EP400: variants seen among roughly 807,000 people sequenced by gnomAD.
EP400 encodes the protein E1A-binding protein p400.
In EP400, 105 loss-of-function variants were observed where a neutral mutation model predicts 354.1. The ratio of observed to expected loss-of-function variants is 0.30; its 90% CI spans 0.25 to 0.35. The LOEUF (loss-of-function observed/expected upper bound fraction) is 0.35. Among genes scored for constraint, EP400 ranks in the 10% least tolerant of loss-of-function variants. EP400 has a pLI of 1.00. For synonymous variants in EP400, 1,646 were observed against 1,716.9 expected (o/e 0.96, Z 1.02); for missense variants, 3,280 against 4,121.0 (o/e 0.80, Z 5.59).
Position 132,027,449 on chromosome 12 carries a change from G to T in EP400, c.5027G>T (p.Gly1676Val). The T allele has an allele frequency of 1.9e-6, 3 of 1,614,112 alleles. No homozygotes were observed. The highest frequency in any genetic ancestry group is 2.5e-6 in the Non-Finnish European group (3 of 1,180,042). The change falls in exon 26 of 53, where the codon GGC becomes GTC. Residue 1676 changes from glycine to valine, a missense_variant. Transcript: ENST00000389561. The surrounding 1 kb of genome is among the most constrained non-coding windows in gnomAD (Gnocchi z 4.9). Reference protein sequence around the residue: ...APLTPQVGVPGRVAVNALAVG... With the variant: ...APLTPQVGVPVRVAVNALAVG... The stretch of plus-strand genomic sequence containing the variant: ...TATGCATTTGTAGTTGGCGTTCCGG[G>T]CCGCGTGGCGGTGAATGCCTTGGCT...
intron 30 of EP400, among the ~76,000 whole-genome samples, chr12:132,036,910 G>A (rs1232519005): frequency 3.3e-5 from 5 of 152,012 alleles, no homozygotes; most frequent in East Asian, 3.8e-4. Flanking sequence ...TTCACTTTCC[G>A]TGCTGTTCCC....
intron 2 of EP400, among the ~76,000 whole-genome samples, chr12:131,976,569 G>A (rs1261371650): frequency 6.6e-6 from 1 of 151,910 alleles, no homozygotes; most frequent in African/African-American, 2.4e-5. Context: ...AAAATTAGCC[G>A]GGCATGGTGG....
intron 45 of EP400, among the ~76,000 whole-genome samples, chr12:132,057,953 G>C (rs1201462664): frequency 6.6e-6 from 1 of 152,216 alleles, no homozygotes; most frequent in Non-Finnish European, 1.5e-5. Context: ...GTGGGCCCAA[G>C]ACACAGTGTG....
intron 25 of EP400, among the ~76,000 whole-genome samples, chr12:132,026,041 TTTTG>T (rs575816025): frequency 3.5e-4 from 53 of 152,360 alleles, no homozygotes; most frequent in African/African-American, 1.2e-3. Flanking sequence ...TAGGTTTTTG[TTTTG>T]TTTGTGTTCT....
chr12:132,063,103 T>C (rs1213257773), intron 47 of EP400, among the ~76,000 whole-genome samples: 1 of 152,230 alleles, frequency 6.6e-6, no homozygotes, highest in East Asian at 1.9e-4. Flanking sequence ...TTTGTTTCGA[T>C]GTGGTTCACG....
intron 1 of EP400, among the ~76,000 whole-genome samples, chr12:131,951,065 ATTTTTTTTTTTTTTTTT>A (rs750396319): frequency 1.9e-5 from 2 of 104,200 alleles, no homozygotes; most frequent in Non-Finnish European, 3.8e-5. Context: ...ACGCCTGGCT[ATTTTTTTTTTTTTTTTT>A]TTTTTTTGGA....
chr12:132,066,829 C>T lies in EP400; in HGVS notation c.8609C>T (p.Pro2870Leu), dbSNP rs1895908535. The change falls in exon 49 of 53, where the codon CCC becomes CTC. Residue 2870 changes from proline (P) to leucine (L), a missense_variant. Pro to Leu is a moderately conservative substitution (Grantham distance 98). Around this residue, in one of 20 missense-constraint regions of EP400, gnomAD observed 279 missense variants for 386.7 expected, o/e 0.72. Transcript: ENST00000389561. ...CAAGGGCAGATGCAGACCCAGGCAC[C>T]CCAGCCAGCCCAGGTGGCCTTGGCG... Reference protein sequence around the residue: ...QAQGQMQTQAPQPAQVALAKP... With the variant: ...QAQGQMQTQALQPAQVALAKP... 1.2e-6 allele frequency: 2 copies of T among 1,614,014 alleles called. No homozygotes were observed. The highest frequency in any genetic ancestry group is 1.7e-6 in the Non-Finnish European group (2 of 1,179,972).
chr12:131,962,029 A>G (rs1356085511), intron 2 of EP400, 75 bp downstream of exon 2: 2 of 1,455,414 alleles, frequency 1.4e-6, no homozygotes, highest in African/African-American at 1.4e-5. Flanking sequence ...GAATTAAGTA[A>G]TAATTTATTG....
intron 2 of EP400, among the ~76,000 whole-genome samples, chr12:131,977,580 G>A (rs1892527880): frequency 6.6e-6 from 1 of 151,794 alleles, no homozygotes; most frequent in African/African-American, 2.4e-5. Flanking sequence ...GAACATTTGG[G>A]AAATTTAGAA....
chr12:131,954,066 T>C (rs1891608845), intron 1 of EP400, among the ~76,000 whole-genome samples: 2 of 152,044 alleles, frequency 1.3e-5, no homozygotes, highest in South Asian at 4.1e-4. Context: ...TGAGCTGAGA[T>C]TGCGCCGCAG....
At position 132,037,941 on chromosome 12, in the gene EP400, C is replaced by T; in HGVS notation, c.6064-12C>T. 2.5e-6 allele frequency: 4 copies of T among 1,614,138 alleles called. No individual in the cohort carries two copies. The highest frequency in any genetic ancestry group is 3.4e-6 in the Non-Finnish European group (4 of 1,180,008). On this transcript the variant is annotated splice_polypyrimidine_tract_variant and intron_variant, in intron 31 of 52. Transcript: ENST00000389561. ...CCTTGTACTGGGGAGTAACACACATCTCTGTGTTCAGCGAACCATCCAGGA... is the reference window on the plus strand; with the variant it reads ...CCTTGTACTGGGGAGTAACACACATTTCTGTGTTCAGCGAACCATCCAGGA...
rs1891455248 is a variant in EP400, at chr12:131,950,935, TG to T, written c.-36+900del. Among the ~76,000 whole-genome samples the T allele has an allele frequency of 2.6e-5, 4 of 152,060 alleles. No individual in the cohort carries two copies. The South Asian group carries it at 8.3e-4, about 32-fold the overall frequency. ...TTTCTTTTGAGAAAGAGTCTCTCTC[TG>T]TCACCCAGGCTGGAGTGCAGTGGCG... is the stretch of plus-strand genomic sequence containing the variant. On this transcript the variant is annotated intron_variant, in intron 1 of 52. Transcript: ENST00000389561.
chr12:132,011,458 A>G (rs1893762342), intron 15 of EP400, 40 bp from the exon 16 acceptor site: 1 of 1,610,832 alleles, frequency 6.2e-7, no homozygotes, highest in Admixed American at 1.7e-5. Context: ...TGGACATGAC[A>G]GATACTTTGA....
At chr12:132,060,399 A>C (rs1329898176) in intron 45 of EP400, among the ~76,000 whole-genome samples, 1 of 151,646 alleles carries the variant, frequency 6.6e-6, no homozygotes, top group East Asian at 1.9e-4. Context: ...TATATGTAGA[A>C]AGTCTAATCC....
chr12:131,956,471 T>C (rs1891703905), intron 1 of EP400, among the ~76,000 whole-genome samples: 1 of 152,208 alleles, frequency 6.6e-6, no homozygotes, highest in Non-Finnish European at 1.5e-5. Context: ...TTTTAATTTT[T>C]TTTGTTATTC....
chr12:132,064,570 T>TA, intron 47 of EP400, 98 bp from the exon 48 acceptor site: 1 of 1,481,546 alleles, frequency 6.7e-7, no homozygotes, highest in Non-Finnish European at 9.0e-7. Flanking sequence ...TGCTTTGGTA[T>TA]TTAATGGGCA....
intron 2 of EP400, among the ~76,000 whole-genome samples, chr12:131,975,457 G>C (rs1404776773): frequency 1.3e-5 from 2 of 152,194 alleles, no homozygotes; most frequent in African/African-American, 4.8e-5. Flanking sequence ...GCACTGCACT[G>C]TCCTGGTTCC....
intron 11 of EP400, among the ~76,000 whole-genome samples, chr12:131,993,129 C>G (rs936390601): frequency 2.6e-5 from 4 of 152,168 alleles, no homozygotes; most frequent in African/African-American, 9.7e-5. Context: ...CCCTCCCAAG[C>G]GATTCTCTTG....
intron 5 of EP400, among the ~76,000 whole-genome samples, chr12:131,985,910 A>C (rs1156705411): frequency 1.3e-5 from 2 of 152,186 alleles, no homozygotes; most frequent in Non-Finnish European, 2.9e-5. Flanking sequence ...GCCTGGCCTG[A>C]GGAGGATTTT....
Sources: allele counts gnomAD v4.1 joint callset (sites outside exome capture counted in the v4.1 genomes callset), GRCh38; gene constraint gnomAD v4.1.1; regional missense constraint gnomAD v4.1.1; non-coding constraint Gnocchi (gnomAD v3.1); transcripts MANE v1.5; gene names NCBI Gene and HGNC (gene_info 2026-07-23, HGNC 2026-07-21).